Variants in EPHA3 observed in about 807,000 individuals in gnomAD.
The protein encoded by EPHA3 is EPH receptor A3, also known as ephrin type-A receptor 3.
A neutral mutation model predicts 107.1 loss-of-function variants in EPHA3; 42 were observed. That is an observed-to-expected ratio of 0.39 (90% CI 0.31 to 0.51). The LOEUF (loss-of-function observed/expected upper bound fraction) is 0.51. Ranked by LOEUF, EPHA3 falls within the 20% of genes least tolerant of loss-of-function variation. EPHA3 has a pLI of 0.78. For missense variants in EPHA3, 1,183 were observed against 1,211.2 expected (o/e 0.98, Z 0.35); for synonymous variants, 461 against 424.8 (o/e 1.09, Z -1.05).
chr3:89,222,377 A>G (rs1185554519), intron 3 of EPHA3, among the ~76,000 whole-genome samples: 2 of 147,686 alleles, frequency 1.4e-5, no homozygotes, highest in Non-Finnish European at 1.5e-5. Flanking sequence ...GTATATACCT[A>G]TGTATACACA....
intron 3 of EPHA3, among the ~76,000 whole-genome samples, chr3:89,308,770 A>G (rs1281936055): frequency 1.3e-5 from 2 of 152,128 alleles, no homozygotes; most frequent in Non-Finnish European, 2.9e-5. Flanking sequence ...TGTGTAAAGG[A>G]ATCTGGGAAT....
intron 2 of EPHA3, among the ~76,000 whole-genome samples, chr3:89,209,260 A>G (rs1706205203): frequency 6.6e-6 from 1 of 152,144 alleles, no homozygotes; most frequent in African/African-American, 2.4e-5. Flanking sequence ...ACTTGGTTTT[A>G]TATTTGGCGG....
chr3:89,251,598 T>C (rs1278132805), intron 3 of EPHA3, among the ~76,000 whole-genome samples: 1 of 152,056 alleles, frequency 6.6e-6, no homozygotes, highest in South Asian at 2.1e-4. Flanking sequence ...TAAATATGAA[T>C]CAATCTGATT....
Position 89,367,891 on chromosome 3 carries a change from A to G in EPHA3, c.1306+25801A>G, listed in dbSNP as rs905920372. Among the ~76,000 whole-genome samples the G allele has an allele frequency of 1.3e-4, 19 of 150,636 alleles. 1 individual carries two copies. The highest frequency in any genetic ancestry group is 2.7e-4 in the Non-Finnish European group (18 of 67,206). On this transcript the variant is annotated intron_variant, in intron 5 of 16. Coordinates refer to ENST00000336596, the MANE Select transcript of EPHA3 (RefSeq NM_005233.6). ...CTCCCATAGGGCTACAGAATCGTTT[A>G]TCTGTATTTCTCTTATGGTGCTCCT...
At chr3:89,324,359 C>A (rs1355182669) in intron 3 of EPHA3, among the ~76,000 whole-genome samples, 1 of 151,418 alleles carries the variant, frequency 6.6e-6, no homozygotes, top group African/African-American at 2.4e-5. Flanking sequence ...TTAGTAGAGA[C>A]GAGGTTTCCC....
intron 3 of EPHA3, among the ~76,000 whole-genome samples, chr3:89,332,335 T>C (rs1707306101): frequency 6.6e-6 from 1 of 152,204 alleles, no homozygotes; most frequent in African/African-American, 2.4e-5. Context: ...CTAAATCTGA[T>C]GCAATAACAA....
At chr3:89,384,402 AAGAC>A (rs1340568560) in intron 5 of EPHA3, among the ~76,000 whole-genome samples, 1 of 152,188 alleles carries the variant, frequency 6.6e-6, no homozygotes, top group Non-Finnish European at 1.5e-5. Flanking sequence ...TGGAAAGTGA[AAGAC>A]AGAAACTTAA....
chr3:89,208,580 GA>G (rs1249333661), intron 2 of EPHA3, among the ~76,000 whole-genome samples: 2 of 125,888 alleles, frequency 1.6e-5, no homozygotes, highest in East Asian at 4.8e-4. Flanking sequence ...GAAAGAGAAA[GA>G]AAGAAAGAAA....
Position 89,351,181 on chromosome 3 carries a change from C to G in EPHA3, c.1306+9091C>G, listed in dbSNP as rs1472045337. ...TTCCCCGCTGCTTTGTTTACCTAAG[C>G]AAGCCTGGGCAATGGCGGGCGCCCC... On this transcript the variant is annotated intron_variant, in intron 5 of 16. Coordinates refer to ENST00000336596, the MANE Select transcript of EPHA3 (RefSeq NM_005233.6). Among the ~76,000 whole-genome samples the G allele has an allele frequency of 7.3e-4, 110 of 151,420 alleles. 3 individuals are homozygous for G. In the Middle Eastern group the frequency reaches 0.01, roughly 14 times the overall value.
In EPHA3 at chr3:89,384,625, T is replaced by G. The variant is rs1403520298; in HGVS notation, c.1307-11212T>G. On this transcript the variant is annotated intron_variant, in intron 5 of 16. Transcript: ENST00000336596. ...TCACACAATTAAATGCATATCTGTCTAAGCATTTTGAGGGTATCTTATGTT... is the reference window on the plus strand; with the variant it reads ...TCACACAATTAAATGCATATCTGTCGAAGCATTTTGAGGGTATCTTATGTT... Among the ~76,000 whole-genome samples, 8 of 152,328 alleles carry G rather than the reference T, an allele frequency of 5.3e-5. No individual in the cohort carries two copies. In the East Asian group the frequency reaches 1.2e-3, roughly 22 times the overall value.
At position 89,283,689 on chromosome 3, in the gene EPHA3, A is replaced by G. The variant is rs527799646; in HGVS notation, c.815-57227A>G. On this transcript the variant is annotated intron_variant, in intron 3 of 16. Coordinates refer to ENST00000336596, the MANE Select transcript of EPHA3 (RefSeq NM_005233.6). ...TCCAGTTTTATTTTATCATATTATA[A>G]CTCTTCAGATACAAATCTTATTGCA... Among the ~76,000 whole-genome samples the G allele has an allele frequency of 6.6e-5, 10 of 152,188 alleles. No individual in the cohort carries two copies. In the East Asian group the frequency reaches 1.9e-3, roughly 29 times the overall value.
At chr3:89,477,830 G>GAA (rs142585809) in intron 16 of EPHA3, among the ~76,000 whole-genome samples, 1 of 147,686 alleles carries the variant, frequency 6.8e-6, no homozygotes. Context: ...CAGAGTACGA[G>GAA]AAAAAAAAAA....
chr3:89,434,279 G>A (rs748394021), intron 13 of EPHA3, among the ~76,000 whole-genome samples: 3 of 152,002 alleles, frequency 2.0e-5, no homozygotes, highest in Admixed American at 6.6e-5. Context: ...GTGCAGTGGC[G>A]CAGTGTCGGT....
chr3:89,307,637 A>G (rs1386941041), intron 3 of EPHA3, among the ~76,000 whole-genome samples: 1 of 152,092 alleles, frequency 6.6e-6, no homozygotes, highest in African/African-American at 2.4e-5. Context: ...ATCACAGCTC[A>G]CTGCAGCCTC....
intron 5 of EPHA3, among the ~76,000 whole-genome samples, chr3:89,381,628 C>T (rs1325317829): frequency 2.0e-5 from 3 of 151,766 alleles, no homozygotes; most frequent in African/African-American, 7.3e-5. Context: ...AAGATTATAT[C>T]ACAGCACTCC....
intron 13 of EPHA3, 93 bp from the exon 14 acceptor site, chr3:89,449,132 C>G (rs1260693339): frequency 4.1e-6 from 5 of 1,226,626 alleles, no homozygotes; most frequent in Non-Finnish European, 4.3e-6. Flanking sequence ...AACAGAAATA[C>G]TATGAGAAAT....
chr3:89,278,180 C>G (rs532739974), intron 3 of EPHA3, among the ~76,000 whole-genome samples: 26 of 152,074 alleles, frequency 1.7e-4, no homozygotes, highest in Non-Finnish European at 3.1e-4. Flanking sequence ...ATATTTCCTG[C>G]TTTACTTTTC....
At chr3:89,229,005 A>G (rs1704565548) in intron 3 of EPHA3, among the ~76,000 whole-genome samples, 1 of 152,000 alleles carries the variant, frequency 6.6e-6, no homozygotes, top group East Asian at 1.9e-4. Flanking sequence ...CTCTTAAGCT[A>G]GTTCTCCTTC....
intron 12 of EPHA3, among the ~76,000 whole-genome samples, chr3:89,430,639 G>T (rs1161317339): frequency 2.0e-5 from 3 of 152,088 alleles, no homozygotes; most frequent in Non-Finnish European, 4.4e-5. Context: ...CAATTCAGAA[G>T]TGGGTAGAAA....
Sources: allele counts gnomAD v4.1 joint callset (sites outside exome capture counted in the v4.1 genomes callset), GRCh38; gene constraint gnomAD v4.1.1; transcripts MANE v1.5; gene names NCBI Gene and HGNC (gene_info 2026-07-23, HGNC 2026-07-21).